VTI1A: variants seen among roughly 807,000 people sequenced by gnomAD.
VTI1A encodes the protein vesicle transport through interaction with t-SNAREs 1A.
VTI1A carries 22 observed loss-of-function variants against 34.9 expected under a neutral mutation model. That is an observed-to-expected ratio of 0.63 (90% CI 0.45 to 0.90). The LOEUF (loss-of-function observed/expected upper bound fraction) is 0.90, where lower values mean the gene tolerates loss of function less well. Ranked by LOEUF, VTI1A falls within the 40% of genes least tolerant of loss-of-function variation. The pLI is 0.00. For synonymous variants in VTI1A, 87 were observed against 97.3 expected (o/e 0.89, Z 0.62); for missense variants, 268 against 275.6 (o/e 0.97, Z 0.20).
chr10:112,601,778 T>G (rs1844889995), intron 5 of VTI1A, among the ~76,000 whole-genome samples: 1 of 152,202 alleles, frequency 6.6e-6, no homozygotes, highest in Admixed American at 6.5e-5. Flanking sequence ...CACTATTAGT[T>G]AATGAGAATG....
At chr10:112,570,645 A>G (rs1161646237) in intron 5 of VTI1A, among the ~76,000 whole-genome samples, 2 of 152,264 alleles carry the variant, frequency 1.3e-5, no homozygotes, top group South Asian at 2.1e-4. Flanking sequence ...TGCTCACGTA[A>G]TAGCCAGAAT....
chr10:112,633,092 C>T (rs192331311), intron 5 of VTI1A, among the ~76,000 whole-genome samples: 9 of 152,124 alleles, frequency 5.9e-5, no homozygotes, highest in East Asian at 3.9e-4. Flanking sequence ...GAGGCTGAGG[C>T]GGGCAGATCA....
chr10:112,645,942 G>GGT (rs1554930975), intron 5 of VTI1A, among the ~76,000 whole-genome samples: 4 of 137,324 alleles, frequency 2.9e-5, no homozygotes, highest in Admixed American at 2.2e-4. Flanking sequence ...AATATACTGT[G>GGT]TTTTTTTTTT....
chr10:112,498,687 C>CAT (rs1849114494), intron 3 of VTI1A, among the ~76,000 whole-genome samples: 1 of 152,090 alleles, frequency 6.6e-6, no homozygotes, highest in East Asian at 1.9e-4. Context: ...TGAGTTTACT[C>CAT]ATATGGGGCT....
the VTI1A span, among the ~76,000 whole-genome samples, chr10:112,850,679 G>T: frequency 6.6e-6 from 1 of 152,036 alleles, no homozygotes; most frequent in African/African-American, 2.4e-5. Flanking sequence ...TAAAATGAGG[G>T]CCCCCCAAAT....
intron 7 of VTI1A, among the ~76,000 whole-genome samples, chr10:112,799,207 G>A (rs1852786358): frequency 6.6e-6 from 1 of 151,850 alleles, no homozygotes; most frequent in African/African-American, 2.4e-5. Flanking sequence ...TGCCTCCAAG[G>A]GAATCTCCAG....
intron 3 of VTI1A, among the ~76,000 whole-genome samples, chr10:112,490,468 A>G (rs1848783647): frequency 6.6e-6 from 1 of 152,228 alleles, no homozygotes; most frequent in Non-Finnish European, 1.5e-5. Flanking sequence ...TTACAGATTC[A>G]GCTAATGACC....
chr10:112,524,400 GAA>G (rs892502456), intron 3 of VTI1A, among the ~76,000 whole-genome samples: 2 of 151,938 alleles, frequency 1.3e-5, no homozygotes, highest in African/African-American at 4.8e-5. Flanking sequence ...CATTCTTTAG[GAA>G]AAGTCAGTCC....
At chr10:112,520,096 TAA>T (rs553086674) in intron 3 of VTI1A, among the ~76,000 whole-genome samples, 120 of 152,162 alleles carry the variant, frequency 7.9e-4, no homozygotes, top group African/African-American at 2.5e-3. Flanking sequence ...AAGAAAATAA[TAA>T]ACATTTTGAT....
rs140128575 is a variant in VTI1A, at chr10:112,740,563, G to A, written c.560+71565G>A. On this transcript the variant is annotated intron_variant, in intron 7 of 7. Coordinates refer to ENST00000393077, the MANE Select transcript of VTI1A (RefSeq NM_145206.4). The stretch of plus-strand genomic sequence containing the variant: ...GCCTCCCAAAGTGCTGGGATTACAG[G>A]CGTGTGCCACGATGCCCATCCTTGA... Among the ~76,000 whole-genome samples, 23 of 152,350 alleles carry A rather than the reference G, an allele frequency of 1.5e-4. No individual in the cohort carries two copies. In the East Asian group the frequency reaches 4.4e-3, roughly 29 times the overall value.
chr10:112,612,679 C>T (rs192970495), intron 5 of VTI1A, among the ~76,000 whole-genome samples: 13 of 152,190 alleles, frequency 8.5e-5, no homozygotes, highest in African/African-American at 3.1e-4. Context: ...CTGCCTCAGC[C>T]TCCCAAAGCA....
chr10:112,628,375 T>TATC (rs1434252245), intron 5 of VTI1A, among the ~76,000 whole-genome samples: 3 of 152,222 alleles, frequency 2.0e-5, no homozygotes, highest in African/African-American at 7.2e-5. Context: ...ATTTGAATTC[T>TATC]ATCAGTGAAA....
intron 7 of VTI1A, among the ~76,000 whole-genome samples, chr10:112,771,135 T>A (rs1224794976): frequency 6.6e-6 from 1 of 152,178 alleles, no homozygotes; most frequent in Non-Finnish European, 1.5e-5. Flanking sequence ...CGAAGTCAGG[T>A]GGACCTGGGT....
the VTI1A span, chr10:112,832,575 C>T: frequency 2.0e-5 from 3 of 152,242 alleles, no homozygotes; most frequent in Non-Finnish European, 4.4e-5. Flanking sequence ...AAGTTGGCTC[C>T]GGTGGAGTTG....
At chr10:112,544,550 A>C (rs1346499732) in intron 5 of VTI1A, among the ~76,000 whole-genome samples, 2 of 152,126 alleles carry the variant, frequency 1.3e-5, no homozygotes, top group Non-Finnish European at 2.9e-5. Context: ...TTTGGATAGC[A>C]GTAAACGACG....
intron 5 of VTI1A, among the ~76,000 whole-genome samples, chr10:112,578,733 A>G (rs1200999081): frequency 6.6e-6 from 1 of 152,216 alleles, no homozygotes; most frequent in East Asian, 1.9e-4. Flanking sequence ...AAACAATAAT[A>G]TCTTGAATTT....
chr10:112,819,957 A>G (rs762454702), downstream of VTI1A, among the ~76,000 whole-genome samples: 1 of 152,156 alleles, frequency 6.6e-6, no homozygotes. Context: ...TAGCTCCACC[A>G]TGGGTGTGAG....
chr10:112,595,362 G>C (rs1042330902), intron 5 of VTI1A, among the ~76,000 whole-genome samples: 1 of 150,656 alleles, frequency 6.6e-6, no homozygotes, highest in African/African-American at 2.4e-5. Context: ...ACTACCATCA[G>C]AGTGAACAGG....
chr10:112,620,790 CA>C (rs58569618), intron 5 of VTI1A, among the ~76,000 whole-genome samples: 76,798 of 137,328 alleles, frequency 0.56, 20,521 homozygotes, highest in Admixed American at 0.66. Context: ...AACTCCATCT[CA>C]AAAAAAAAAA....
Sources: gnomAD v4.1 joint callset for allele counts (sites outside exome capture counted in the v4.1 genomes callset) on GRCh38, gnomAD v4.1.1 for gene constraint, MANE v1.5 for transcripts, NCBI Gene and HGNC (gene_info 2026-07-23, HGNC 2026-07-21) for gene names.